The following RPS6KA2 variants were observed in gnomAD, a reference collection of about 807,000 sequenced individuals.
RPS6KA2 encodes ribosomal protein S6 kinase A2, also known as ribosomal protein S6 kinase alpha-2.
RPS6KA2 carries 42 observed loss-of-function variants against 91.8 expected under a neutral mutation model. The observed-to-expected ratio is 0.46, with a 90% CI of 0.36 to 0.59. RPS6KA2 has a LOEUF of 0.59. Ranked by LOEUF, RPS6KA2 falls within the 20% of genes least tolerant of loss-of-function variation. The pLI is 0.00. For missense variants in RPS6KA2, 798 were observed against 978.5 expected, an observed-to-expected ratio of 0.82 and a Z score of 2.46; for synonymous variants, 414 against 393.6, an observed-to-expected ratio of 1.05 and a Z score of -0.61.
At chr6:166,507,352 G>A (rs1782266985) in intron 5 of RPS6KA2, among the ~76,000 whole-genome samples, 1 of 145,658 alleles carries the variant, frequency 6.9e-6, no homozygotes, top group African/African-American at 2.7e-5. Context: ...AGGCAGCAAT[G>A]CACACAGCAC....
intron 10 of RPS6KA2, among the ~76,000 whole-genome samples, chr6:166,483,861 G>C (rs537358044): frequency 6.6e-6 from 1 of 152,398 alleles, no homozygotes; most frequent in Admixed American, 6.5e-5. Flanking sequence ...CAATTTTACA[G>C]TCTTGTCATG....
intron 2 of RPS6KA2, among the ~76,000 whole-genome samples, chr6:166,818,178 A>G (rs1779819320): frequency 1.3e-5 from 2 of 152,108 alleles, no homozygotes; most frequent in South Asian, 4.1e-4. Flanking sequence ...TTAAATGTAC[A>G]GTTTATATTG....
chr6:166,745,309 G>A (rs1461909661), intron 2 of RPS6KA2, among the ~76,000 whole-genome samples: 1 of 152,070 alleles, frequency 6.6e-6, no homozygotes, highest in Admixed American at 6.5e-5. Context: ...GTGCCACCAT[G>A]CCTGGCTAAT....
At position 166,639,361 on chromosome 6, in the gene RPS6KA2, T is replaced by A. The variant is rs1284496068; in HGVS notation, c.124-100577A>T. On this transcript the variant is annotated intron_variant, in intron 2 of 21. Transcript: ENST00000503859. The surrounding 1 kb of genome is among the most constrained non-coding windows in gnomAD (Gnocchi z 4.2). Reference sequence around the variant, plus strand: ...TACATGTTTTCCCCGTCTTGCCTTCTTTCCAACCCTGCCCTCCATAACACA... The same window carrying A: ...TACATGTTTTCCCCGTCTTGCCTTCATTCCAACCCTGCCCTCCATAACACA... Among the ~76,000 whole-genome samples, 1 of 152,192 alleles carries A rather than the reference T, an allele frequency of 6.6e-6. No homozygotes were observed. Among genetic ancestry groups the A allele is most frequent in the Non-Finnish European group, 1.5e-5 (1 of 68,032 alleles).
At chr6:166,496,044 G>T (rs908749618) in intron 8 of RPS6KA2, among the ~76,000 whole-genome samples, 1 of 151,918 alleles carries the variant, frequency 6.6e-6, no homozygotes, top group Non-Finnish European at 1.5e-5. Flanking sequence ...TTGTCTTTTC[G>T]GTTTGCAGTG....
chr6:166,512,999 A>G (rs1292586806), intron 3 of RPS6KA2, among the ~76,000 whole-genome samples: 4 of 152,090 alleles, frequency 2.6e-5, no homozygotes, highest in Admixed American at 2.6e-4. Context: ...GGGGTGTCCA[A>G]TCTTTTGACT....
At chr6:166,553,307 G>A (rs766085550) in intron 1 of RPS6KA2, among the ~76,000 whole-genome samples, 6 of 151,938 alleles carry the variant, frequency 3.9e-5, no homozygotes, top group Non-Finnish European at 8.8e-5. Context: ...TTTTTTTGTA[G>A]AGATGGTGGT....
chr6:166,413,009 A>G, intron 20 of RPS6KA2, 122 bp from the exon 21 acceptor site: 1 of 1,104,094 alleles, frequency 9.1e-7, no homozygotes, highest in Non-Finnish European at 1.2e-6. Flanking sequence ...GAGCTTCCCC[A>G]GGGTCCCTGG....
At chr6:166,511,915 C>A (rs1372966228) in intron 3 of RPS6KA2, among the ~76,000 whole-genome samples, 1 of 152,156 alleles carries the variant, frequency 6.6e-6, no homozygotes, top group African/African-American at 2.4e-5. Context: ...AGTAGAATTA[C>A]CATGCAGCCC....
intron 2 of RPS6KA2, among the ~76,000 whole-genome samples, chr6:166,638,227 G>A (rs533594647): frequency 2.6e-5 from 4 of 152,364 alleles, no homozygotes; most frequent in Admixed American, 6.5e-5. Flanking sequence ...GCGCAAGCTC[G>A]CAATCACTGT....
intron 2 of RPS6KA2, among the ~76,000 whole-genome samples, chr6:166,811,002 A>G (rs1779626372): frequency 6.6e-6 from 1 of 152,202 alleles, no homozygotes; most frequent in African/African-American, 2.4e-5. Flanking sequence ...GGAGGCCCGC[A>G]CAGCTGGCAA....
chr6:166,805,129 G>A (rs1252638947), intron 2 of RPS6KA2, among the ~76,000 whole-genome samples: 1 of 152,294 alleles, frequency 6.6e-6, no homozygotes, highest in African/African-American at 2.4e-5. Flanking sequence ...GGGATGTCTC[G>A]AATGATAAAT....
chr6:166,851,806 C>T (rs1490511363), intron 2 of RPS6KA2, among the ~76,000 whole-genome samples: 1 of 152,134 alleles, frequency 6.6e-6, no homozygotes, highest in East Asian at 1.9e-4. Flanking sequence ...TCTTCATCTG[C>T]CCAGGAATGA....
intron 2 of RPS6KA2, among the ~76,000 whole-genome samples, chr6:166,769,243 T>G (rs1170265041): frequency 6.6e-6 from 1 of 152,194 alleles, no homozygotes; most frequent in Non-Finnish European, 1.5e-5. Flanking sequence ...TGGATTGGGA[T>G]GATACAGATA....
In RPS6KA2 at chr6:166,459,426, G is replaced by C. The variant is rs756419503; in HGVS notation, c.1075+23C>G. ...GGTCAGGTGGGAGAAGCCACCGATAGAGGGAACCACTGTGGCACACACCTG... is the reference window on the plus strand; with the variant it reads ...GGTCAGGTGGGAGAAGCCACCGATACAGGGAACCACTGTGGCACACACCTG... On this transcript the variant is annotated intron_variant, in intron 12 of 20. Transcript: ENST00000265678. The surrounding 1 kb of genome is among the most constrained non-coding windows in gnomAD (Gnocchi z 4.9). 1.8e-5 allele frequency: 28 copies of C among 1,549,040 alleles called. No homozygotes were observed. The highest frequency in any genetic ancestry group is 2.5e-5 in the Non-Finnish European group (28 of 1,122,144).
intron 2 of RPS6KA2, among the ~76,000 whole-genome samples, chr6:166,677,943 C>A (rs1788665352): frequency 6.6e-6 from 1 of 152,146 alleles, no homozygotes; most frequent in South Asian, 2.1e-4. Context: ...AGGGGTTTAA[C>A]CTCTCAAGCA....
intron 14 of RPS6KA2, among the ~76,000 whole-genome samples, chr6:166,440,945 C>A (rs915425967): frequency 6.6e-6 from 1 of 152,222 alleles, no homozygotes; most frequent in African/African-American, 2.4e-5. Context: ...CGAGGAGATA[C>A]AAATGCCCAA....
At chr6:166,702,858 A>G (rs919314216) in intron 2 of RPS6KA2, 15 of 937,096 alleles carry the variant, frequency 1.6e-5, no homozygotes, top group Non-Finnish European at 2.3e-5. Context: ...ATGGTTGTTT[A>G]AAAAAAATTA....
At chr6:166,672,865 G>C (rs557765348) in intron 2 of RPS6KA2, among the ~76,000 whole-genome samples, 2 of 152,316 alleles carry the variant, frequency 1.3e-5, no homozygotes, top group East Asian at 3.9e-4. Flanking sequence ...TTGGCTGAAA[G>C]AGAGGCAGTT....
Sources: gnomAD v4.1 joint callset for allele counts (sites outside exome capture counted in the v4.1 genomes callset) on GRCh38, gnomAD v4.1.1 for gene constraint, Gnocchi (gnomAD v3.1) non-coding constraint, MANE v1.5 for transcripts, NCBI Gene and HGNC (gene_info 2026-07-23, HGNC 2026-07-21) for gene names.